The following GARS1 variants were observed in gnomAD, a reference collection of about 807,000 sequenced individuals.
The protein encoded by GARS1 is glycine--tRNA ligase.
In GARS1, 46 loss-of-function variants were observed where a neutral mutation model predicts 86.4. The ratio of observed to expected loss-of-function variants is 0.53; its 90% confidence interval spans 0.42 to 0.68. GARS1 has a LOEUF of 0.68. Among genes scored for constraint, GARS1 ranks in the 30% least tolerant of loss-of-function variants. The pLI, the probability that GARS1 is intolerant of heterozygous loss-of-function variation, is 0.00. For missense variants in GARS1, 797 were observed against 915.6 expected, an observed-to-expected ratio of 0.87 and a Z score of 1.67; for synonymous variants, 342 against 329.8, an observed-to-expected ratio of 1.04 and a Z score of -0.40.
At position 30,615,971 on chromosome 7, in the gene GARS1, A is replaced by C. The variant is rs1562777680; in HGVS notation, c.1107A>C (p.Ala369=). Residue 369 remains alanine (A), a synonymous_variant, in exon 9 of 17, where the codon GCA becomes GCC. Transcript: ENST00000389266. ...ACCACCCCAAGTTCCAGAATGTGGC[A>C]GACCTTCACCTTTATTTGTATTCAG... ...EKDHPKFQNV[A]DLHLYLYSAK... is the part of the protein sequence containing the mutation. The C allele has an allele frequency of 6.2e-7, 1 of 1,614,130 alleles. No homozygotes were observed. Among genetic ancestry groups the C allele is most frequent in the African/African-American group, 1.3e-5 (1 of 74,940 alleles).
intron 10 of GARS1, 33 bp downstream of exon 10, chr7:30,617,311 A>T (rs756227676): frequency 9.3e-6 from 15 of 1,608,626 alleles, no homozygotes; most frequent in Non-Finnish European, 1.3e-5. Context: ...TGTGATTTTC[A>T]CATTGTTAAC....
intron 6 of GARS1, among the ~76,000 whole-genome samples, chr7:30,608,208 G>A (rs1158097205): frequency 1.3e-5 from 2 of 152,088 alleles, no homozygotes; most frequent in African/African-American, 4.8e-5. Flanking sequence ...CCTAGAAATG[G>A]GACAAAGGAT....
intron 6 of GARS1, among the ~76,000 whole-genome samples, chr7:30,604,498 T>C (rs1443392307): frequency 6.6e-6 from 1 of 152,032 alleles, no homozygotes; most frequent in Non-Finnish European, 1.5e-5. Flanking sequence ...AATTACTGGA[T>C]ACTTTTCCAC....
Position 30,622,467 on chromosome 7 carries a change from G to A in GARS1, c.1613+5G>A. The A allele has an allele frequency of 6.2e-7, 1 of 1,614,060 alleles. No individual in the cohort carries two copies. The highest frequency in any genetic ancestry group is 8.5e-7 in the Non-Finnish European group (1 of 1,179,960). ...GATGCTGCTGAATGAGAAAGGGTAA[G>A]ATATCAGATGTTTACTCTTCCATGG... On this transcript the variant is annotated splice_donor_5th_base_variant and intron_variant, in intron 12 of 16. Coordinates refer to ENST00000389266, the MANE Select transcript of GARS1 (RefSeq NM_002047.4).
At position 30,594,993 on chromosome 7, in the gene GARS1, C is replaced by T. The variant is rs768665866; in HGVS notation, c.72C>T (p.Leu24=). 5.0e-6 allele frequency: 8 copies of T among 1,592,304 alleles called. No individual in the cohort carries two copies. The highest frequency in any genetic ancestry group is 1.1e-5 in the South Asian group (1 of 89,634). The part of the protein sequence containing the change: ...AALLLLLPPR[L]LARPSLLLRR... ...TGCTGCTGCTGCTGCCGCCCCGGCTCTTAGCCCGACCCTCGCTCCTGCTCC... is the reference window on the plus strand; with the variant it reads ...TGCTGCTGCTGCTGCCGCCCCGGCTTTTAGCCCGACCCTCGCTCCTGCTCC... Residue 24 remains leucine, a synonymous_variant, in exon 1 of 17, where the codon CTC becomes CTT. Coordinates refer to ENST00000389266, the MANE Select transcript of GARS1 (RefSeq NM_002047.4).
intron 13 of GARS1, chr7:30,627,246 C>T (rs751127109): frequency 5.9e-6 from 2 of 341,120 alleles, no homozygotes; most frequent in Non-Finnish European, 1.2e-5. Flanking sequence ...CTTCAGTGAG[C>T]AGTGTTAGGA....
intron 6 of GARS1, among the ~76,000 whole-genome samples, chr7:30,606,303 T>C (rs1184993861): frequency 9.0e-6 from 1 of 110,870 alleles, no homozygotes; most frequent in Non-Finnish European, 2.1e-5. Flanking sequence ...GTCATTGTTA[T>C]TCTTTTTTTT....
chr7:30,604,868 G>T (rs1456928924), intron 6 of GARS1, among the ~76,000 whole-genome samples: 2 of 152,160 alleles, frequency 1.3e-5, no homozygotes, highest in Admixed American at 6.5e-5. Flanking sequence ...GAGGTTTTGT[G>T]TATATGTTTT....
At chr7:30,615,091 A>G (rs1782864665) in intron 8 of GARS1, among the ~76,000 whole-genome samples, 1 of 152,188 alleles carries the variant, frequency 6.6e-6, no homozygotes, top group African/African-American at 2.4e-5. Flanking sequence ...ATTCAGAGAA[A>G]TCTCTTTGGG....
intron 10 of GARS1, among the ~76,000 whole-genome samples, 167 bp from the exon 11 acceptor site, chr7:30,621,226 A>G (rs1274500553): frequency 2.0e-5 from 3 of 152,104 alleles, no homozygotes; most frequent in African/African-American, 4.8e-5. Context: ...TAGCTGCCTG[A>G]TATATGAGGC....
intron 8 of GARS1, among the ~76,000 whole-genome samples, chr7:30,615,691 T>A (rs964965000): frequency 6.6e-6 from 1 of 152,148 alleles, no homozygotes; most frequent in East Asian, 1.9e-4. Flanking sequence ...ATCAAAAAAA[T>A]AAAAATAACA....
Position 30,609,680 on chromosome 7 carries a change from T to C in GARS1, c.831T>C (p.Ser277=). ...GAAATGATCTATCCCCTCCAGTGTC[T>C]TTTAACTTAATGTTCAAGACTTTCA... is the stretch of plus-strand genomic sequence containing the variant. ...ITGNDLSPPV[S]FNLMFKTFIG... The change falls in exon 7 of 17, where the codon TCT becomes TCC. Residue 277 remains serine, a synonymous_variant. Coordinates refer to ENST00000389266, the MANE Select transcript of GARS1 (RefSeq NM_002047.4). 1 of 1,613,548 alleles carries C rather than the reference T, an allele frequency of 6.2e-7. No individual in the cohort carries two copies. Among genetic ancestry groups the C allele is most frequent in the East Asian group, 2.2e-5 (1 of 44,812 alleles).
At chr7:30,630,187 C>G (rs1233294148) in intron 14 of GARS1, among the ~76,000 whole-genome samples, 2 of 152,090 alleles carry the variant, frequency 1.3e-5, no homozygotes, top group Non-Finnish European at 2.9e-5. Flanking sequence ...AAGGCAGGTC[C>G]CTGTTACTCT....
At chr7:30,621,567 A>C in intron 11 of GARS1, 67 bp downstream of exon 11, 1 of 1,110,364 alleles carries the variant, frequency 9.0e-7, no homozygotes, top group Non-Finnish European at 1.4e-6. Flanking sequence ...GAATAAGTCC[A>C]AGTCTTTACC....
At position 30,616,058 on chromosome 7, in the gene GARS1, G is replaced by A; in HGVS notation, c.1194G>A (p.Gln398=). ...TGCGCCTGGGAGATGCTGTTGAACA[G>A]GTAGGATTCTGGAGGTAACTTAACT... ...RKMRLGDAVE[Q]GVINNTVLGY... Residue 398 remains glutamine (Q), a splice_region_variant and synonymous_variant, in exon 9 of 17, where the codon CAG becomes CAA. Coordinates refer to ENST00000389266, the MANE Select transcript of GARS1 (RefSeq NM_002047.4). 6.2e-7 allele frequency: 1 copy of A among 1,614,176 alleles called. No individual in the cohort carries two copies. Among genetic ancestry groups the A allele is most frequent in the Non-Finnish European group, 8.5e-7 (1 of 1,180,018 alleles).
intron 1 of GARS1, among the ~76,000 whole-genome samples, chr7:30,596,833 C>A (rs1029743715): frequency 1.3e-5 from 2 of 152,126 alleles, no homozygotes; most frequent in African/African-American, 4.8e-5. Flanking sequence ...TAATTTTACC[C>A]ATTTTTTGTA....
At chr7:30,597,354 A>G (rs902370160) in intron 1 of GARS1, among the ~76,000 whole-genome samples, 5 of 152,240 alleles carry the variant, frequency 3.3e-5, no homozygotes, top group African/African-American at 1.2e-4. Flanking sequence ...TCTGAGTTAG[A>G]AATAACCTTG....
intron 6 of GARS1, 99 bp downstream of exon 6, chr7:30,603,671 C>A: frequency 1.2e-6 from 1 of 860,958 alleles, no homozygotes; most frequent in South Asian, 1.3e-5. Context: ...TGACCCTGGC[C>A]ACATTGTAAT....
intron 10 of GARS1, 101 bp from the exon 11 acceptor site, chr7:30,621,292 C>A: frequency 1.1e-6 from 1 of 936,916 alleles, no homozygotes; most frequent in Non-Finnish European, 1.7e-6. Context: ...ATCGAATTAT[C>A]ATTGAATATA....
Sources: gnomAD v4.1 joint callset for allele counts (sites outside exome capture counted in the v4.1 genomes callset) on GRCh38, gnomAD v4.1.1 for gene constraint, MANE v1.5 for transcripts, NCBI Gene and HGNC (gene_info 2026-07-23, HGNC 2026-07-21) for gene names.